Variants in SGCZ observed in about 807,000 individuals in gnomAD.
SGCZ encodes sarcoglycan zeta.
In SGCZ, 40 loss-of-function variants were observed where a neutral mutation model predicts 41.3. The ratio of observed to expected loss-of-function variants is 0.97; its 90% CI spans 0.75 to 1.26. The LOEUF (loss-of-function observed/expected upper bound fraction) is 1.26, where lower values mean the gene tolerates loss of function less well. SGCZ is among the 50% of genes most tolerant of loss of function. SGCZ has a pLI of 0.00. For missense variants in SGCZ, 552 were observed against 369.8 expected, an observed-to-expected ratio of 1.49 and a Z score of -4.04; for synonymous variants, 206 against 137.5, an observed-to-expected ratio of 1.50 and a Z score of -3.49.
chr8:14,943,190 T>C (rs1476371345), intron 1 of SGCZ, among the ~76,000 whole-genome samples: 1 of 152,182 alleles, frequency 6.6e-6, no homozygotes. Flanking sequence ...GAGCAAAGGA[T>C]CCATTTCCAA....
chr8:14,264,104 C>T (rs560479583), intron 3 of SGCZ, among the ~76,000 whole-genome samples: 3 of 152,190 alleles, frequency 2.0e-5, no homozygotes, highest in South Asian at 4.1e-4. Flanking sequence ...ACAGCAGCCT[C>T]AGACCACAGG....
intron 1 of SGCZ, among the ~76,000 whole-genome samples, chr8:14,820,232 A>G (rs1337017206): frequency 1.3e-5 from 2 of 152,054 alleles, no homozygotes; most frequent in African/African-American, 2.4e-5. Flanking sequence ...GAATAGCCAT[A>G]CTTATAAACA....
intron 1 of SGCZ, among the ~76,000 whole-genome samples, chr8:14,861,715 A>G (rs4645558): frequency 0.31 from 47,170 of 151,758 alleles, 9,912 homozygotes; most frequent in African/African-American, 0.59. Flanking sequence ...TTGCATTTTC[A>G]TTTTGCACTG....
At chr8:15,197,740 A>G (rs1282675522) in intron 1 of SGCZ, among the ~76,000 whole-genome samples, 2 of 152,190 alleles carry the variant, frequency 1.3e-5, no homozygotes, top group African/African-American at 4.8e-5. Flanking sequence ...AAGGTCTAAA[A>G]TTAACCACTG....
At chr8:14,789,507 T>C (rs1800879837) in intron 1 of SGCZ, among the ~76,000 whole-genome samples, 1 of 152,218 alleles carries the variant, frequency 6.6e-6, no homozygotes, top group Non-Finnish European at 1.5e-5. Context: ...TTTCATGATA[T>C]AATTTCCAAA....
chr8:14,971,043 G>T (rs529558121), intron 1 of SGCZ, among the ~76,000 whole-genome samples: 4 of 152,120 alleles, frequency 2.6e-5, no homozygotes, highest in African/African-American at 7.2e-5. Flanking sequence ...TGATGCTTTT[G>T]TGAAATATAT....
chr8:14,803,075 T>C (rs1337824305), intron 1 of SGCZ, among the ~76,000 whole-genome samples: 1 of 152,204 alleles, frequency 6.6e-6, no homozygotes, highest in East Asian at 1.9e-4. Context: ...TACTAAATTA[T>C]TTTACCACCC....
chr8:14,244,073 A>G (rs576868334), intron 3 of SGCZ, among the ~76,000 whole-genome samples: 2 of 152,300 alleles, frequency 1.3e-5, no homozygotes, highest in Admixed American at 1.3e-4. Flanking sequence ...TCCAGGCTAC[A>G]TGGGTTTAAG....
At chr8:14,255,275 T>C (rs73519433) in intron 3 of SGCZ, among the ~76,000 whole-genome samples, 32 of 152,286 alleles carry the variant, frequency 2.1e-4, no homozygotes, top group South Asian at 4.1e-4. Context: ...TCCTGATACT[T>C]TGAACTCTTA....
At chr8:14,557,882 G>C (rs1180226242) in intron 1 of SGCZ, among the ~76,000 whole-genome samples, 1 of 152,046 alleles carries the variant, frequency 6.6e-6, no homozygotes, top group African/African-American at 2.4e-5. Context: ...CACAAAGCTG[G>C]TTCTTTGAAA....
intron 2 of SGCZ, among the ~76,000 whole-genome samples, chr8:14,420,633 C>T (rs1421119939): frequency 6.6e-6 from 1 of 151,978 alleles, no homozygotes; most frequent in African/African-American, 2.4e-5. Flanking sequence ...GTTTGCACAG[C>T]ATAGATGCAT....
intron 1 of SGCZ, among the ~76,000 whole-genome samples, chr8:14,847,162 GAAGAAGAAGAAGAAGAAGAAGAA>G (rs1274526572): frequency 2.7e-5 from 4 of 150,402 alleles, no homozygotes; most frequent in African/African-American, 9.8e-5. Flanking sequence ...AGAAGAAGAA[GAAGAAGAAGAAGAAGAAGAAGAA>G]GAGAAAAATA....
intron 2 of SGCZ, among the ~76,000 whole-genome samples, chr8:14,481,149 C>T (rs1801524686): frequency 6.6e-6 from 1 of 151,292 alleles, no homozygotes; most frequent in Non-Finnish European, 1.5e-5. Context: ...ACAAATGATA[C>T]ACACATTATA....
intron 2 of SGCZ, among the ~76,000 whole-genome samples, chr8:14,385,441 T>C (rs1804541481): frequency 6.6e-6 from 1 of 152,184 alleles, no homozygotes. Context: ...TATATTATAA[T>C]GATGCCCTCA....
intron 1 of SGCZ, among the ~76,000 whole-genome samples, chr8:14,774,168 A>G (rs1230440895): frequency 2.6e-5 from 4 of 152,176 alleles, no homozygotes; most frequent in Non-Finnish European, 5.9e-5. Flanking sequence ...TAAGGCTTGA[A>G]TAGAGCAAAT....
chr8:15,230,029 C>T (rs891656064), intron 1 of SGCZ, among the ~76,000 whole-genome samples: 5 of 152,274 alleles, frequency 3.3e-5, no homozygotes, highest in South Asian at 2.1e-4. Context: ...TTAAAGTTTG[C>T]ATTTTTAACT....
chr8:14,465,240 AT>A (rs144513511), intron 2 of SGCZ, among the ~76,000 whole-genome samples: 3,190 of 151,658 alleles, frequency 0.021, 49 homozygotes, highest in Middle Eastern at 0.037. Flanking sequence ...ATATGTTTTG[AT>A]GTTCTGCTAT....
At chr8:14,939,613 G>A (rs1033920820) in intron 1 of SGCZ, among the ~76,000 whole-genome samples, 2 of 152,118 alleles carry the variant, frequency 1.3e-5, no homozygotes, top group Non-Finnish European at 2.9e-5. Flanking sequence ...GAGAGTGGAT[G>A]TCATCTCAGA....
chr8:14,132,618 C>T (rs1291066079), intron 5 of SGCZ, among the ~76,000 whole-genome samples: 1 of 152,128 alleles, frequency 6.6e-6, no homozygotes, highest in Non-Finnish European at 1.5e-5. Flanking sequence ...GCTACTTGAA[C>T]ATATTTTAAA....
Sources: gnomAD v4.1 joint callset for allele counts (sites outside exome capture counted in the v4.1 genomes callset) on GRCh38, gnomAD v4.1.1 for gene constraint, MANE v1.5 for transcripts, NCBI Gene and HGNC (gene_info 2026-07-23, HGNC 2026-07-21) for gene names.